The following ST6GALNAC3 variants were observed in gnomAD, a reference collection of about 807,000 sequenced individuals.
ST6GALNAC3 encodes the protein ST6 N-acetylgalactosaminide alpha-2,6-sialyltransferase 3, also known as alpha-N-acetylgalactosaminide alpha-2,6-sialyltransferase 3.
In ST6GALNAC3, 25 loss-of-function variants were observed where a neutral mutation model predicts 32.7. The observed-to-expected ratio is 0.76, with a 90% CI of 0.56 to 1.07. ST6GALNAC3 has a LOEUF of 1.07. Among genes scored for constraint, ST6GALNAC3 ranks in the 50% least tolerant of loss-of-function variants. ST6GALNAC3 has a pLI of 0.00. For missense variants in ST6GALNAC3, 355 were observed against 382.4 expected (o/e 0.93, Z 0.60); for synonymous variants, 129 against 133.1 (o/e 0.97, Z 0.21).
At chr1:76,235,930 A>G (rs1656630256) in intron 1 of ST6GALNAC3, among the ~76,000 whole-genome samples, 1 of 151,376 alleles carries the variant, frequency 6.6e-6, no homozygotes, top group Non-Finnish European at 1.5e-5. Context: ...TCATGTTGGG[A>G]CAGGGACCCA....
intron 3 of ST6GALNAC3, among the ~76,000 whole-genome samples, chr1:76,553,616 T>C (rs936737289): frequency 6.6e-6 from 1 of 152,214 alleles, no homozygotes; most frequent in Non-Finnish European, 1.5e-5. Flanking sequence ...GCACTGATGA[T>C]ACCTGGTGAT....
At chr1:76,452,923 T>C (rs1264426811) in intron 3 of ST6GALNAC3, among the ~76,000 whole-genome samples, 1 of 152,162 alleles carries the variant, frequency 6.6e-6, no homozygotes, top group Non-Finnish European at 1.5e-5. Context: ...CTCTATTTTG[T>C]TGACAATTGT....
intron 3 of ST6GALNAC3, among the ~76,000 whole-genome samples, chr1:76,515,084 C>G (rs1220137925): frequency 1.3e-5 from 2 of 152,092 alleles, no homozygotes; most frequent in East Asian, 3.9e-4. Context: ...GTGTGACAAG[C>G]ATCAGTATTG....
intron 3 of ST6GALNAC3, among the ~76,000 whole-genome samples, chr1:76,562,896 T>G (rs1444820641): frequency 6.6e-6 from 1 of 152,156 alleles, no homozygotes; most frequent in East Asian, 1.9e-4. Flanking sequence ...TCATGTGGTG[T>G]CAGACCAGCT....
intron 3 of ST6GALNAC3, among the ~76,000 whole-genome samples, chr1:76,456,327 G>A (rs537881652): frequency 1.9e-4 from 29 of 151,844 alleles, no homozygotes; most frequent in South Asian, 8.3e-4. Context: ...CTCTTTTTTC[G>A]TTTTTCTTTT....
chr1:76,376,978 T>G (rs1557835280), intron 2 of ST6GALNAC3, among the ~76,000 whole-genome samples: 1 of 152,148 alleles, frequency 6.6e-6, no homozygotes. Flanking sequence ...GTGAATTATA[T>G]TCCTTTTTTA....
At chr1:76,135,736 A>G (rs1649904628) in intron 1 of ST6GALNAC3, among the ~76,000 whole-genome samples, 1 of 152,198 alleles carries the variant, frequency 6.6e-6, no homozygotes, top group Admixed American at 6.5e-5. Context: ...CTTTCAGGCA[A>G]CTTCTTCAAA....
chr1:76,527,751 G>C (rs1663003067), intron 3 of ST6GALNAC3, among the ~76,000 whole-genome samples: 2 of 152,110 alleles, frequency 1.3e-5, no homozygotes, highest in Admixed American at 6.6e-5. Context: ...AACCTTGAGA[G>C]CCTTGTGCTG....
chr1:76,637,275 T>C (rs1649526487), downstream of ST6GALNAC3: 1 of 152,204 alleles, frequency 6.6e-6, no homozygotes, highest in South Asian at 2.1e-4. Flanking sequence ...CAATCAGATT[T>C]ACTTGGAATG....
chr1:76,153,486 G>A (rs1009900872), intron 1 of ST6GALNAC3, among the ~76,000 whole-genome samples: 8 of 152,152 alleles, frequency 5.3e-5, no homozygotes, highest in Non-Finnish European at 1.2e-4. Context: ...CTGTGCGTGC[G>A]AAATTACACC....
At chr1:76,096,567 T>A (rs1453460309) in intron 1 of ST6GALNAC3, among the ~76,000 whole-genome samples, 1 of 150,716 alleles carries the variant, frequency 6.6e-6, no homozygotes, top group East Asian at 1.9e-4. Context: ...GAAATATATT[T>A]TATATTTATA....
At chr1:76,615,396 T>G (rs1648229426) in intron 3 of ST6GALNAC3, among the ~76,000 whole-genome samples, 1 of 151,806 alleles carries the variant, frequency 6.6e-6, no homozygotes, top group Non-Finnish European at 1.5e-5. Context: ...AAACAAGAGT[T>G]GGCAGGTAAT....
At chr1:76,168,153 T>C (rs1652244953) in intron 1 of ST6GALNAC3, among the ~76,000 whole-genome samples, 1 of 152,188 alleles carries the variant, frequency 6.6e-6, no homozygotes, top group Non-Finnish European at 1.5e-5. Context: ...AATACTGCCT[T>C]AGTTGTGTCT....
chr1:76,190,074 A>G (rs1653806688), intron 1 of ST6GALNAC3, among the ~76,000 whole-genome samples: 1 of 151,144 alleles, frequency 6.6e-6, no homozygotes, highest in Non-Finnish European at 1.5e-5. Flanking sequence ...TTTTAAAGCA[A>G]CTCATTATGT....
intron 3 of ST6GALNAC3, among the ~76,000 whole-genome samples, chr1:76,614,216 G>A (rs535810128): frequency 1.1e-4 from 17 of 152,184 alleles, no homozygotes; most frequent in Non-Finnish European, 2.2e-4. Context: ...TTGCAAGTCA[G>A]CTGTGTATAA....
At chr1:76,441,283 G>A (rs1656583356) in intron 3 of ST6GALNAC3, among the ~76,000 whole-genome samples, 1 of 151,990 alleles carries the variant, frequency 6.6e-6, no homozygotes, top group Admixed American at 6.6e-5. Context: ...TATGTAACGT[G>A]TAGTTTATTA....
intron 1 of ST6GALNAC3, among the ~76,000 whole-genome samples, chr1:76,147,289 C>A (rs1570187903): frequency 6.6e-6 from 1 of 152,298 alleles, no homozygotes; most frequent in East Asian, 1.9e-4. Flanking sequence ...TCTCGAACTC[C>A]TGACCTCAGG....
intron 3 of ST6GALNAC3, among the ~76,000 whole-genome samples, chr1:76,443,230 A>G (rs1330399934): frequency 2.6e-5 from 4 of 152,246 alleles, no homozygotes; most frequent in Non-Finnish European, 4.4e-5. Flanking sequence ...CATAGTTCAC[A>G]GCAGCCTCAA....
intron 1 of ST6GALNAC3, among the ~76,000 whole-genome samples, chr1:76,221,186 C>T (rs1026068166): frequency 1.3e-5 from 2 of 151,998 alleles, no homozygotes; most frequent in African/African-American, 4.8e-5. Flanking sequence ...GTTCTAGAAC[C>T]CTCAATGTAA....
Sources: allele counts gnomAD v4.1 joint callset (sites outside exome capture counted in the v4.1 genomes callset), GRCh38; gene constraint gnomAD v4.1.1; transcripts MANE v1.5; gene names NCBI Gene and HGNC (gene_info 2026-07-23, HGNC 2026-07-21).